COL4A4: variants seen among roughly 807,000 people sequenced by gnomAD.
COL4A4 encodes collagen type IV alpha 4 chain.
Under a neutral mutation model 192.9 loss-of-function variants are expected in COL4A4, and 105 were observed. The ratio of observed to expected loss-of-function variants is 0.54; its 90% CI spans 0.46 to 0.64. The LOEUF (loss-of-function observed/expected upper bound fraction) is 0.64, where lower values mean the gene tolerates loss of function less well. Among genes scored for constraint, COL4A4 ranks in the 30% least tolerant of loss-of-function variants. The pLI is 0.00. For missense variants in COL4A4, 1,967 were observed against 2,169.3 expected (o/e 0.91, Z 1.85); for synonymous variants, 762 against 769.9 (o/e 0.99, Z 0.17).
Position 227,059,555 on chromosome 2 carries a change from C to T in COL4A4, c.2233G>A (p.Gly745Ser). ...TTCACTCCTGGTGAGCCGGGAGGGC[C>T]TGGGGGCCCAACAGGGGAGGACCCC... ...EKGSSPVGPP[G>S]PPGSPGVNGQ... Residue 745 changes from glycine (G) to serine (S), a missense_variant, in exon 28 of 48, where the codon GGC (glycine) becomes AGC (serine). Physicochemically the swap from Gly to Ser is moderately conservative, Grantham distance 56 (BLOSUM62 0). Transcript: ENST00000396625. 6.2e-7 allele frequency: 1 copy of T among 1,614,132 alleles called. No homozygotes were observed. The highest frequency in any genetic ancestry group is 8.5e-7 in the Non-Finnish European group (1 of 1,180,020).
intron 23 of COL4A4, 72 bp from the exon 24 acceptor site, chr2:227,080,621 A>T: frequency 7.6e-7 from 1 of 1,319,368 alleles, no homozygotes; most frequent in Non-Finnish European, 1.1e-6. Context: ...AGGACAAAAA[A>T]TAAAGAAAAT....
At chr2:227,121,229 TA>T in intron 4 of COL4A4, 81 bp from the exon 5 acceptor site, 1 of 1,439,344 alleles carries the variant, frequency 6.9e-7, no homozygotes. Context: ...CATTCAGGCC[TA>T]CAGAAGACTT....
rs1029503113 is a variant in COL4A4, at chr2:227,114,675, C to A, written c.511G>T (p.Glu171Ter). Reference protein sequence around the residue: ...GPLGHPGEKGEKGNSVFILGA... With the variant: ...GPLGHPGEKG ...AAAATGAACACTGAATTTCCTTTTT[C>A]TCCCTTTTCCCCAGGATGGCCCTGA... Residue 171 changes from glutamate to a stop codon, truncating the protein, a stop_gained, in exon 8 of 48, where the codon GAA becomes TAA. Coordinates refer to ENST00000396625, the MANE Select transcript of COL4A4 (RefSeq NM_000092.5). LOFTEE classifies it high-confidence loss of function. 6.2e-7 allele frequency: 1 copy of A among 1,613,832 alleles called. No homozygotes were observed. The highest frequency in any genetic ancestry group is 8.5e-7 in the Non-Finnish European group (1 of 1,179,726).
intron 37 of COL4A4, among the ~76,000 whole-genome samples, chr2:227,041,896 AAG>A (rs1171520594): frequency 5.3e-5 from 8 of 150,094 alleles, no homozygotes; most frequent in Non-Finnish European, 1.0e-4. Context: ...GAAAGAAAGA[AAG>A]AAAGAAAGAA....
chr2:227,038,091 T>C (rs1174173201), intron 37 of COL4A4, among the ~76,000 whole-genome samples: 4 of 152,228 alleles, frequency 2.6e-5, no homozygotes, highest in African/African-American at 7.2e-5. Flanking sequence ...TTTGTCAATT[T>C]TGCCTTTTGT....
chr2:226,972,929 CAA>C, the COL4A4 span, among the ~76,000 whole-genome samples: 128 of 126,968 alleles, frequency 1.0e-3, no homozygotes, highest in African/African-American at 1.6e-3. Flanking sequence ...AAGCCTGTAG[CAA>C]AAAAAAAAAA....
chr2:227,042,121 T>G (rs1300535687), intron 37 of COL4A4, 27 bp downstream of exon 37: 1 of 1,411,922 alleles, frequency 7.1e-7, no homozygotes, highest in African/African-American at 1.4e-5. Flanking sequence ...GCATCTTTCT[T>G]GTGGGATGGG....
At chr2:227,132,350 G>A (rs189296912) in intron 4 of COL4A4, among the ~76,000 whole-genome samples, 1 of 152,334 alleles carries the variant, frequency 6.6e-6, no homozygotes, top group Admixed American at 6.5e-5. Context: ...CCAGGCTGCA[G>A]GGACTTTCTT....
chr2:227,023,193 C>T (rs567335034), intron 43 of COL4A4, among the ~76,000 whole-genome samples: 2 of 151,866 alleles, frequency 1.3e-5, no homozygotes, highest in African/African-American at 2.4e-5. Context: ...GTAATCCCAG[C>T]ACTTTGGGAA....
intron 17 of COL4A4, among the ~76,000 whole-genome samples, chr2:227,100,953 C>G (rs535630635): frequency 6.6e-6 from 1 of 152,084 alleles, no homozygotes; most frequent in East Asian, 1.9e-4. Flanking sequence ...TACAGGCGCC[C>G]ACCACCACGC....
At chr2:227,147,336 G>A (rs748107463) in intron 2 of COL4A4, 77 bp downstream of exon 2, 4 of 1,384,940 alleles carry the variant, frequency 2.9e-6, no homozygotes, top group Non-Finnish European at 4.1e-6. Context: ...TAAGCATTCA[G>A]ACGGTTTACA....
intron 22 of COL4A4, among the ~76,000 whole-genome samples, chr2:227,087,832 C>T (rs1300200900): frequency 6.6e-6 from 1 of 152,192 alleles, no homozygotes; most frequent in Non-Finnish European, 1.5e-5. Context: ...TCTGTAAAGC[C>T]CCATGCTCTG....
chr2:227,126,813 T>C (rs2062117286), intron 4 of COL4A4, among the ~76,000 whole-genome samples: 1 of 152,190 alleles, frequency 6.6e-6, no homozygotes, highest in South Asian at 2.1e-4. Flanking sequence ...CAGAGAATAA[T>C]TCTATTTTCT....
intron 12 of COL4A4, among the ~76,000 whole-genome samples, chr2:227,106,134 T>A (rs554304271): frequency 6.6e-6 from 1 of 151,714 alleles, no homozygotes; most frequent in East Asian, 1.9e-4. Context: ...TGTTTTTTTT[T>A]CCTTGATTTA....
the COL4A4 span, among the ~76,000 whole-genome samples, chr2:226,977,330 C>CT: frequency 6.6e-6 from 1 of 152,122 alleles, no homozygotes; most frequent in Non-Finnish European, 1.5e-5. Flanking sequence ...AGTGTATTTG[C>CT]TTTGCTTTTC....
downstream of COL4A4, among the ~76,000 whole-genome samples, chr2:226,999,822 C>T (rs116196107): frequency 2.0e-4 from 30 of 152,238 alleles, no homozygotes; most frequent in South Asian, 6.2e-4. Context: ...TCTCTGGATG[C>T]GAAACTGGAT....
At position 227,065,518 on chromosome 2, in the gene COL4A4, A is replaced by G. The variant is rs372110480; in HGVS notation, c.1988-2920T>C. 7.2e-4 allele frequency among the ~76,000 whole-genome samples: 110 copies of G among 152,202 alleles called. 1 individual carries two copies. The Middle Eastern group carries it at 0.01, about 14-fold the overall frequency. On this transcript the variant is annotated intron_variant, in intron 25 of 47. Coordinates refer to ENST00000396625, the MANE Select transcript of COL4A4 (RefSeq NM_000092.5). ...AAGAGAGCAGTGGTTCTCCCAGCAC[A>G]CAGCTGGAGATCTGAGAACAGGCAG...
chr2:227,011,393 G>A (rs986920383), intron 45 of COL4A4, among the ~76,000 whole-genome samples: 11 of 152,186 alleles, frequency 7.2e-5, no homozygotes, highest in East Asian at 1.9e-4. Flanking sequence ...TATTTTGAAC[G>A]AAGAGAGTGT....
intron 4 of COL4A4, 34 bp downstream of exon 4, chr2:227,140,127 G>T: frequency 1.3e-6 from 2 of 1,569,828 alleles, no homozygotes; most frequent in Non-Finnish European, 1.8e-6. Context: ...CAAAATTCAG[G>T]AATGCTGCCC....
Sources: allele counts gnomAD v4.1 joint callset (sites outside exome capture counted in the v4.1 genomes callset), GRCh38; gene constraint gnomAD v4.1.1; transcripts MANE v1.5; gene names NCBI Gene and HGNC (gene_info 2026-07-23, HGNC 2026-07-21).